FANCB: variants seen among roughly 807,000 people sequenced by gnomAD.
The protein encoded by FANCB is Fanconi anemia group B protein.
A neutral mutation model predicts 38.9 loss-of-function variants in FANCB; 5 were observed. That is an observed-to-expected ratio of 0.13 (90% CI 0.07 to 0.27). The LOEUF (loss-of-function observed/expected upper bound fraction) is 0.27. FANCB is among the 10% of genes least tolerant of loss of function. The pLI, the probability that FANCB is intolerant of heterozygous loss-of-function variation, is 1.00. For synonymous variants in FANCB, 236 were observed against 215.4 expected (o/e 1.10, Z -0.84); for missense variants, 573 against 602.7 (o/e 0.95, Z 0.52).
At chrX:14,768,438 C>G in the FANCB span, among the ~76,000 whole-genome samples, 1 of 111,111 alleles carries the variant, frequency 9.0e-6, no homozygotes, top group Non-Finnish European at 1.9e-5. Flanking sequence ...AATGGGCGTT[C>G]ATTCATGATT....
Position 14,850,427 on chromosome X carries a change from C to T in FANCB, c.1496+78G>A, listed in dbSNP as rs7883855. 854 of 775,117 alleles carry T rather than the reference C, an allele frequency of 1.1e-3. 6 individuals are homozygous for T. The African/African-American group carries it at 0.012, about 11-fold the overall frequency. 63.9% of individuals were successfully genotyped at this position (775,117 alleles called of 1,213,427 possible). A position where few individuals can be genotyped will look rare whatever the true frequency, so the allele number is the denominator to read the frequency against. On this transcript the variant is annotated intron_variant, in intron 7 of 9. Coordinates refer to ENST00000650831, the MANE Select transcript of FANCB (RefSeq NM_001018113.3). ...GGCCTCTAGAACATTTAAAATTGCA[C>T]GTGGCTTACATTAATTTCTATTGGA...
chrX:14,823,763 C>T, the FANCB span, among the ~76,000 whole-genome samples: 1 of 111,427 alleles, frequency 9.0e-6, no homozygotes, highest in Non-Finnish European at 1.9e-5. Flanking sequence ...TTTGGGTAAC[C>T]ACCACCCCAA....
chrX:14,775,084 G>T, the FANCB span, among the ~76,000 whole-genome samples: 38 of 106,902 alleles, frequency 3.6e-4, no homozygotes, highest in African/African-American at 1.3e-3. Flanking sequence ...TGCCCGCCTC[G>T]GCCTTCCAAA....
At chrX:14,760,268 G>A in the FANCB span, among the ~76,000 whole-genome samples, 52 of 112,089 alleles carry the variant, frequency 4.6e-4, no homozygotes, top group Non-Finnish European at 9.0e-4. Flanking sequence ...GATAAACCTA[G>A]GACATTATGC....
At chrX:14,848,318 T>C (rs756436966) in intron 7 of FANCB, among the ~76,000 whole-genome samples, 4 of 111,927 alleles carry the variant, frequency 3.6e-5, no homozygotes, top group African/African-American at 1.3e-4. Flanking sequence ...TCAGGGAGGT[T>C]TCACATCACC....
rs143976596 is a variant in FANCB at position 14,850,608 on chromosome X, A to G, written c.1393T>C (p.Ser465Pro). The change falls in exon 7 of 10, where the codon TCA (serine) becomes CCA (proline). Residue 465 changes from serine (S) to proline (P), a missense_variant. Transcript: ENST00000650831. ...TGTTCTGAATCTTGAAAATTGTCTGATAACTTTTCATCTAAGATATGGACA... is the reference window on the plus strand; with the variant it reads ...TGTTCTGAATCTTGAAAATTGTCTGGTAACTTTTCATCTAAGATATGGACA... ...NSVHILDEKL[S>P]DNFQDSEQLV... 87 of 1,183,603 alleles carry G rather than the reference A, an allele frequency of 7.4e-5. No homozygotes were observed. The African/African-American group carries it at 1.1e-3, about 15-fold the overall frequency.
At chrX:14,796,492 T>A in the FANCB span, among the ~76,000 whole-genome samples, 1 of 100,052 alleles carries the variant, frequency 1.0e-5, no homozygotes, top group Non-Finnish European at 2.0e-5. Flanking sequence ...TAACATATAT[T>A]ATATATATAA....
chrX:14,757,824 T>C, the FANCB span, among the ~76,000 whole-genome samples: 1 of 111,716 alleles, frequency 9.0e-6, no homozygotes, highest in Admixed American at 9.5e-5. Context: ...CAAAGTTTCC[T>C]GGACAGAACC....
At chrX:14,696,190 GGGAGGGAGAATGGGAT>G in the FANCB span, among the ~76,000 whole-genome samples, 1 of 101,041 alleles carries the variant, frequency 9.9e-6, no homozygotes, top group African/African-American at 3.6e-5. Context: ...GAGAGTGGGA[GGGAGGGAGAATGGGAT>G]GGAGGGAGAG....
chrX:14,844,780 CATT>C (rs772420733), intron 8 of FANCB, 40 bp from the exon 9 acceptor site: 1 of 1,155,731 alleles, frequency 8.7e-7, no homozygotes, highest in Non-Finnish European at 1.2e-6. Context: ...AAACTCTGCC[CATT>C]ATCAGATAAA....
At chrX:14,834,568 T>C (rs1375557099), downstream of FANCB, 5 of 517,939 alleles carry the variant, frequency 9.7e-6, no homozygotes, top group Admixed American at 2.4e-5. Context: ...GGCTTCCCTT[T>C]GGGAAGAGAA....
At chrX:14,818,375 T>TAA in the FANCB span, among the ~76,000 whole-genome samples, 22 of 78,948 alleles carry the variant, frequency 2.8e-4, no homozygotes, top group Admixed American at 5.8e-4. Flanking sequence ...TAGGCCTTAT[T>TAA]AAAAAAAAAA....
At chrX:14,787,759 T>C in the FANCB span, among the ~76,000 whole-genome samples, 1 of 103,517 alleles carries the variant, frequency 9.7e-6, no homozygotes. Flanking sequence ...GAACCTAGTA[T>C]AAATAACAGA....
At chrX:14,814,506 C>A in the FANCB span, among the ~76,000 whole-genome samples, 1 of 112,021 alleles carries the variant, frequency 8.9e-6, no homozygotes, top group African/African-American at 3.3e-5. Flanking sequence ...AAAAAGTGGG[C>A]AAAGGATATG....
chrX:14,798,226 A>C, the FANCB span, among the ~76,000 whole-genome samples: 4 of 107,374 alleles, frequency 3.7e-5, no homozygotes, highest in Non-Finnish European at 7.7e-5. Flanking sequence ...TTGGTGGCGC[A>C]ATCTTGGCTC....
At chrX:14,707,739 T>C in the FANCB span, among the ~76,000 whole-genome samples, 1 of 95,203 alleles carries the variant, frequency 1.1e-5, no homozygotes, top group Non-Finnish European at 2.1e-5. Context: ...TATGTTTTCC[T>C]ACTTTGACAG....
the FANCB span, among the ~76,000 whole-genome samples, chrX:14,780,241 G>A: frequency 4.5e-5 from 5 of 110,934 alleles, no homozygotes; most frequent in Middle Eastern, 4.7e-3. Context: ...AAGTGTGGTC[G>A]TTTTTTATTT....
At chrX:14,757,978 T>C in the FANCB span, among the ~76,000 whole-genome samples, 1 of 111,526 alleles carries the variant, frequency 9.0e-6, no homozygotes, top group Non-Finnish European at 1.9e-5. Flanking sequence ...TCAGCTCTGC[T>C]CATCCACTGA....
chrX:14,790,428 A>G, the FANCB span, among the ~76,000 whole-genome samples: 1 of 111,932 alleles, frequency 8.9e-6, no homozygotes, highest in African/African-American at 3.2e-5. Flanking sequence ...GTAATTATCA[A>G]TTTATACTCT....
Sources: allele counts gnomAD v4.1 joint callset (sites outside exome capture counted in the v4.1 genomes callset), GRCh38; gene constraint gnomAD v4.1.1; transcripts MANE v1.5; gene names NCBI Gene and HGNC (gene_info 2026-07-23, HGNC 2026-07-21).